Variants in ADAMTS3 observed in about 807,000 individuals in gnomAD.
ADAMTS3 encodes the protein A disintegrin and metalloproteinase with thrombospondin motifs 3.
In ADAMTS3, 73 loss-of-function variants were observed where a neutral mutation model predicts 129.0. That is an observed-to-expected ratio of 0.57 (90% CI 0.47 to 0.69). The LOEUF (loss-of-function observed/expected upper bound fraction) is 0.69, where lower values mean the gene tolerates loss of function less well. Among genes scored for constraint, ADAMTS3 ranks in the 30% least tolerant of loss-of-function variants. The pLI is 0.00. For missense variants in ADAMTS3, 1,457 were observed against 1,514.5 expected (o/e 0.96, Z 0.63); for synonymous variants, 477 against 510.8 (o/e 0.93, Z 0.89).
intron 3 of ADAMTS3, among the ~76,000 whole-genome samples, chr4:72,535,399 A>G (rs1721160697): frequency 6.6e-6 from 1 of 152,134 alleles, no homozygotes; most frequent in Non-Finnish European, 1.5e-5. Context: ...TCAGAAGTTG[A>G]CTTTAAGACT....
At chr4:72,364,426 C>T (rs923647158) in intron 4 of ADAMTS3, among the ~76,000 whole-genome samples, 7 of 151,908 alleles carry the variant, frequency 4.6e-5, no homozygotes, top group African/African-American at 1.7e-4. Flanking sequence ...ACCAGCCTGG[C>T]CAACATGGAG....
chr4:72,358,957 T>C (rs1335855859), intron 4 of ADAMTS3, among the ~76,000 whole-genome samples: 1 of 151,758 alleles, frequency 6.6e-6, no homozygotes, highest in Non-Finnish European at 1.5e-5. Context: ...GGCAGAGAGG[T>C]ATGAGGCCTT....
At chr4:72,362,010 G>C (rs1720741609) in intron 4 of ADAMTS3, among the ~76,000 whole-genome samples, 1 of 18,752 alleles carries the variant, frequency 5.3e-5, no homozygotes, top group Admixed American at 8.5e-4. Context: ...AATTATATAA[G>C]TTATCTCCTC....
intron 18 of ADAMTS3, among the ~76,000 whole-genome samples, chr4:72,297,894 G>A (rs11734239): frequency 0.22 from 33,072 of 152,052 alleles, 3,897 homozygotes; most frequent in East Asian, 0.44. Context: ...TAGCTCTTTT[G>A]TTATTAACTC....
At chr4:72,515,617 G>A (rs1451510850) in intron 3 of ADAMTS3, among the ~76,000 whole-genome samples, 1 of 151,264 alleles carries the variant, frequency 6.6e-6, no homozygotes, top group Non-Finnish European at 1.5e-5. Context: ...TGTGTCTTTT[G>A]GCTGCATAAA....
intron 20 of ADAMTS3, 45 bp downstream of exon 20, chr4:72,290,810 T>TAC (rs1336586756): frequency 3.8e-6 from 6 of 1,580,282 alleles, no homozygotes; most frequent in East Asian, 4.5e-5. Context: ...TACACATGCT[T>TAC]ACACACACAC....
At chr4:72,403,592 A>G (rs1024087461) in intron 4 of ADAMTS3, among the ~76,000 whole-genome samples, 1 of 151,400 alleles carries the variant, frequency 6.6e-6, no homozygotes, top group African/African-American at 2.4e-5. Context: ...TTATAAGTGA[A>G]AAATCATGTG....
intron 3 of ADAMTS3, among the ~76,000 whole-genome samples, chr4:72,420,070 G>GAA (rs200761636): frequency 2.7e-5 from 4 of 150,508 alleles, no homozygotes; most frequent in African/African-American, 9.8e-5. Context: ...GTGATTTCAG[G>GAA]AAAAAAAAAG....
chr4:72,550,096 AGAAGAAGAAGAAGAAGAAGAAG>A (rs1721605476), intron 2 of ADAMTS3, among the ~76,000 whole-genome samples: 3 of 132,892 alleles, frequency 2.3e-5, no homozygotes, highest in Non-Finnish European at 3.2e-5. Flanking sequence ...AAGAAGAAGA[AGAAGAAGAAGAAGAAGAAGAAG>A]GCATAGAAAG....
intron 2 of ADAMTS3, among the ~76,000 whole-genome samples, chr4:72,553,924 G>T (rs1420959984): frequency 6.6e-6 from 1 of 151,818 alleles, no homozygotes; most frequent in African/African-American, 2.4e-5. Flanking sequence ...TTCTCAACTT[G>T]TTCAGAAGCT....
intron 2 of ADAMTS3, among the ~76,000 whole-genome samples, chr4:72,565,142 T>C (rs1241035564): frequency 1.3e-5 from 2 of 152,248 alleles, no homozygotes; most frequent in Non-Finnish European, 2.9e-5. Flanking sequence ...TTTTAAAATT[T>C]AGTTTCTTAA....
At chr4:72,346,061 C>T (rs1720275257) in intron 4 of ADAMTS3, among the ~76,000 whole-genome samples, 1 of 152,066 alleles carries the variant, frequency 6.6e-6, no homozygotes. Flanking sequence ...TTTCCATATC[C>T]TGCCATTCTT....
intron 21 of ADAMTS3, among the ~76,000 whole-genome samples, chr4:72,288,168 AT>A (rs1718561107): frequency 6.6e-6 from 1 of 152,126 alleles, no homozygotes; most frequent in Non-Finnish European, 1.5e-5. Flanking sequence ...ACCTGGCCCC[AT>A]TTTGCTGTTT....
chr4:72,398,022 C>G (rs1578644437), intron 4 of ADAMTS3, among the ~76,000 whole-genome samples: 1 of 152,118 alleles, frequency 6.6e-6, no homozygotes, highest in African/African-American at 2.4e-5. Context: ...GGAGCCTACA[C>G]TGAGGTTATC....
At chr4:72,443,747 CT>C (rs1718180020) in intron 3 of ADAMTS3, among the ~76,000 whole-genome samples, 1 of 150,778 alleles carries the variant, frequency 6.6e-6, no homozygotes, top group African/African-American at 2.4e-5. Context: ...TGAACCACTC[CT>C]TTTTCATGTT....
At chr4:72,453,190 A>G (rs1409216236) in intron 3 of ADAMTS3, among the ~76,000 whole-genome samples, 1 of 151,788 alleles carries the variant, frequency 6.6e-6, no homozygotes, top group African/African-American at 2.4e-5. Flanking sequence ...ATTCTGATTT[A>G]TCAGTCCTCT....
chr4:72,455,202 AAAGTAT>A (rs1413021277), intron 3 of ADAMTS3, among the ~76,000 whole-genome samples: 1 of 151,768 alleles, frequency 6.6e-6, no homozygotes, highest in Non-Finnish European at 1.5e-5. Context: ...AGAAGCGATT[AAAGTAT>A]AAGAGCCAAC....
At chr4:72,478,125 T>G (rs1719297372) in intron 3 of ADAMTS3, among the ~76,000 whole-genome samples, 1 of 152,208 alleles carries the variant, frequency 6.6e-6, no homozygotes, top group Non-Finnish European at 1.5e-5. Context: ...AAGGAGGAAC[T>G]GGTACCATTC....
intron 2 of ADAMTS3, among the ~76,000 whole-genome samples, chr4:72,550,063 G>A (rs10938027): frequency 0.35 from 1,797 of 5,166 alleles, 509 homozygotes; most frequent in Non-Finnish European, 0.43. Flanking sequence ...AAGAGGAAGA[G>A]GAAGAGGAAG....
Sources: gnomAD v4.1 joint callset for allele counts (sites outside exome capture counted in the v4.1 genomes callset) on GRCh38, gnomAD v4.1.1 for gene constraint, MANE v1.5 for transcripts, NCBI Gene and HGNC (gene_info 2026-07-23, HGNC 2026-07-21) for gene names.